Variants in SPMIP11 observed in about 807,000 individuals in gnomAD.
SPMIP11 encodes the protein long intergenic non-protein coding RNA 935.
chr12:48,728,336 G>A, the SPMIP11 span, among the ~76,000 whole-genome samples: 1 of 152,204 alleles, frequency 6.6e-6, no homozygotes, highest in African/African-American at 2.4e-5. Flanking sequence ...GGGGAGTGGA[G>A]GATGGGGGAA....
At chr12:48,755,508 C>G in the SPMIP11 span, among the ~76,000 whole-genome samples, 2 of 152,134 alleles carry the variant, frequency 1.3e-5, 1 homozygote, top group Admixed American at 1.3e-4. Flanking sequence ...CGCCCTTCAC[C>G]CCAGGTACCT....
At chr12:48,735,686 C>G in the SPMIP11 span, among the ~76,000 whole-genome samples, 2 of 152,126 alleles carry the variant, frequency 1.3e-5, no homozygotes, top group African/African-American at 4.8e-5. Context: ...TCACCTGAGA[C>G]CAGCCTGATC....
the SPMIP11 span, among the ~76,000 whole-genome samples, chr12:48,756,868 C>T: frequency 1.3e-5 from 2 of 151,002 alleles, no homozygotes; most frequent in Non-Finnish European, 1.5e-5. Flanking sequence ...CCTCCACCTC[C>T]GGGATTCAAG....
the SPMIP11 span, among the ~76,000 whole-genome samples, chr12:48,727,860 G>A: frequency 6.6e-6 from 1 of 152,074 alleles, no homozygotes; most frequent in African/African-American, 2.4e-5. Context: ...GACCAGCCTG[G>A]GCAACATAGT....
At chr12:48,736,170 G>A in the SPMIP11 span, 10 of 417,172 alleles carry the variant, frequency 2.4e-5, no homozygotes, top group South Asian at 8.6e-5. Context: ...TTGGAAGCCC[G>A]AGGTGAGTGG....
chr12:48,729,610 T>C, the SPMIP11 span, among the ~76,000 whole-genome samples: 1 of 150,032 alleles, frequency 6.7e-6, no homozygotes, highest in African/African-American at 2.5e-5. Flanking sequence ...CCCAGGAGGC[T>C]GAGGCAGGAG....
the SPMIP11 span, among the ~76,000 whole-genome samples, chr12:48,765,231 T>C: frequency 6.6e-6 from 1 of 152,142 alleles, no homozygotes; most frequent in Non-Finnish European, 1.5e-5. Flanking sequence ...GCAAAACAAG[T>C]GTCCATAGTA....
chr12:48,763,278 T>A, the SPMIP11 span, among the ~76,000 whole-genome samples: 1 of 152,136 alleles, frequency 6.6e-6, no homozygotes, highest in African/African-American at 2.4e-5. Flanking sequence ...GCTCAAACGA[T>A]CCTTCCCACC....
At chr12:48,730,567 G>A in the SPMIP11 span, among the ~76,000 whole-genome samples, 402 of 152,330 alleles carry the variant, frequency 2.6e-3, 4 homozygotes, top group Admixed American at 5.9e-3. Context: ...TACTAAGCAC[G>A]CTACATGCTT....
chr12:48,759,490 C>T, the SPMIP11 span, among the ~76,000 whole-genome samples: 2 of 151,902 alleles, frequency 1.3e-5, no homozygotes, highest in African/African-American at 4.8e-5. Flanking sequence ...AGTTCAAGAC[C>T]AGCCTGGCCA....
At chr12:48,752,667 T>C in the SPMIP11 span, among the ~76,000 whole-genome samples, 1 of 142,292 alleles carries the variant, frequency 7.0e-6, no homozygotes, top group Non-Finnish European at 1.5e-5. Flanking sequence ...CTCCTATTTA[T>C]TCTTTTTTTT....
chr12:48,742,277 CCTTTT>C, the SPMIP11 span, among the ~76,000 whole-genome samples: 19 of 87,202 alleles, frequency 2.2e-4, no homozygotes, highest in African/African-American at 6.9e-4. Flanking sequence ...CTTTTCTTTT[CCTTTT>C]TTTTTTTTTT....
chr12:48,738,870 T>C, the SPMIP11 span, among the ~76,000 whole-genome samples: 3 of 151,774 alleles, frequency 2.0e-5, no homozygotes, highest in African/African-American at 7.3e-5. Context: ...TGAGGGGAGG[T>C]ATATCAAAGG....
the SPMIP11 span, chr12:48,770,989 C>A: frequency 2.5e-6 from 4 of 1,609,010 alleles, no homozygotes; most frequent in South Asian, 1.1e-5. Context: ...CACAAGGAGA[C>A]CTGGCTGTCA....
chr12:48,770,053 GC>G, the SPMIP11 span, among the ~76,000 whole-genome samples: 1 of 148,742 alleles, frequency 6.7e-6, no homozygotes, highest in Admixed American at 6.7e-5. Context: ...GAGCCACTGC[GC>G]CCGGCCTAAT....
the SPMIP11 span, among the ~76,000 whole-genome samples, chr12:48,729,211 C>T: frequency 6.6e-6 from 1 of 152,044 alleles, no homozygotes; most frequent in African/African-American, 2.4e-5. Flanking sequence ...ACCATCCTGG[C>T]CAACATGGTG....
chr12:48,769,759 G>GT, the SPMIP11 span, among the ~76,000 whole-genome samples: 11,525 of 103,738 alleles, frequency 0.11, 767 homozygotes, highest in Middle Eastern at 0.14. Flanking sequence ...ACTAATTTTT[G>GT]TTTTTTTTTT....
the SPMIP11 span, among the ~76,000 whole-genome samples, chr12:48,761,714 ACATTC>A: frequency 6.7e-6 from 1 of 149,284 alleles, no homozygotes; most frequent in Non-Finnish European, 1.5e-5. Flanking sequence ...CATTTATATA[ACATTC>A]TTTTTTTTTT....
the SPMIP11 span, among the ~76,000 whole-genome samples, chr12:48,750,749 C>A: frequency 6.4e-4 from 98 of 152,324 alleles, no homozygotes; most frequent in African/African-American, 2.3e-3. Context: ...ACCCACAGTT[C>A]CTGAATCTCC....
Sources: allele counts gnomAD v4.1 joint callset (sites outside exome capture counted in the v4.1 genomes callset), GRCh38; gene constraint gnomAD v4.1.1; transcripts MANE v1.5; gene names NCBI Gene and HGNC (gene_info 2026-07-23, HGNC 2026-07-21).